The following AASDH variants were observed in gnomAD, a reference collection of about 807,000 sequenced individuals.
The protein encoded by AASDH is aminoadipate-semialdehyde dehydrogenase.
AASDH carries 81 observed loss-of-function variants against 102.3 expected under a neutral mutation model. The observed-to-expected ratio is 0.79, with a 90% CI of 0.66 to 0.95. The LOEUF (loss-of-function observed/expected upper bound fraction) is 0.95, where lower values mean the gene tolerates loss of function less well. Ranked by LOEUF, AASDH falls within the 40% of genes least tolerant of loss-of-function variation. The probability of loss-of-function intolerance (pLI) is 0.00; values close to 1 mark genes in which losing one functional copy is unlikely to be tolerated. For missense variants in AASDH, 1,203 were observed against 1,266.2 expected (o/e 0.95, Z 0.76); for synonymous variants, 398 against 454.0 (o/e 0.88, Z 1.57).
intron 5 of AASDH, among the ~76,000 whole-genome samples, chr4:56,365,927 A>C (rs1355677629): frequency 2.0e-5 from 3 of 152,216 alleles, no homozygotes; most frequent in Non-Finnish European, 4.4e-5. Context: ...CAATGAATCC[A>C]GGAGCTGGTT....
intron 4 of AASDH, among the ~76,000 whole-genome samples, chr4:56,375,010 C>G (rs1487765796): frequency 1.3e-5 from 2 of 152,158 alleles, no homozygotes; most frequent in Non-Finnish European, 2.9e-5. Context: ...CCTTCCCTTT[C>G]TGGAGCTATC....
At chr4:56,362,555 G>A (rs1240914290) in intron 5 of AASDH, among the ~76,000 whole-genome samples, 4 of 152,112 alleles carry the variant, frequency 2.6e-5, no homozygotes, top group Admixed American at 6.5e-5. Context: ...GTGAGCCACC[G>A]TGCCTGGCCT....
At chr4:56,340,952 T>C (rs1330254857) in intron 14 of AASDH, among the ~76,000 whole-genome samples, 1 of 151,850 alleles carries the variant, frequency 6.6e-6, no homozygotes, top group Non-Finnish European at 1.5e-5. Flanking sequence ...GAAATGCAAA[T>C]CAAAACCACA....
chr4:56,358,902 G>A (rs1293143150), intron 5 of AASDH, among the ~76,000 whole-genome samples: 2 of 152,012 alleles, frequency 1.3e-5, no homozygotes, highest in Non-Finnish European at 2.9e-5. Flanking sequence ...TTGAAAGTGG[G>A]GTATTACAAT....
Position 56,369,697 on chromosome 4 carries a change from C to A in AASDH, c.861+1754G>T, listed in dbSNP as rs373940633. Among the ~76,000 whole-genome samples, 95 of 152,172 alleles carry A rather than the reference C, an allele frequency of 6.2e-4. No individual in the cohort carries two copies. In the South Asian group the frequency reaches 0.011, roughly 17 times the overall value. On this transcript the variant is annotated intron_variant, in intron 5 of 14. Coordinates refer to ENST00000205214, the MANE Select transcript of AASDH (RefSeq NM_181806.4). ...ATCCCAGGACTTTGGGAGTCCAAGG[C>A]GGGCAGATTGAGGAGTTTGAGACCA...
Position 56,361,319 on chromosome 4 carries a change from G to T in AASDH, c.862-5896C>A, listed in dbSNP as rs185292793. Among the ~76,000 whole-genome samples, 463 of 152,198 alleles carry T rather than the reference G, an allele frequency of 3.0e-3. 1 individual carries two copies. The highest frequency in any genetic ancestry group is 0.015 in the South Asian group (71 of 4,828). On this transcript the variant is annotated intron_variant, in intron 5 of 14. Transcript: ENST00000205214. ...AGCTACTTGGGAGGCTGAGGCATGA[G>T]AATCACTTGAACCCAGGAGGTGGAG...
At chr4:56,347,486 G>A (rs1195426821) in intron 11 of AASDH, among the ~76,000 whole-genome samples, 9 of 152,158 alleles carry the variant, frequency 5.9e-5, no homozygotes, top group Non-Finnish European at 7.4e-5. Flanking sequence ...TAAAAAGAGA[G>A]TTGTAGTCAG....
At chr4:56,363,485 C>A (rs1458576406) in intron 5 of AASDH, among the ~76,000 whole-genome samples, 1 of 152,240 alleles carries the variant, frequency 6.6e-6, no homozygotes, top group Non-Finnish European at 1.5e-5. Context: ...TAGGGGCGGA[C>A]TGACACTTCA....
In AASDH at chr4:56,346,542, C is replaced by G. The variant is rs1040694586; in HGVS notation, c.2489-1252G>C. On this transcript the variant is annotated intron_variant, in intron 11 of 14. Transcript: ENST00000205214. ...TTGGACTTCATCAAAATAAAGGACTCCTCTTCAAAAGACACTATGTCACTA... is the reference window on the plus strand; with the variant it reads ...TTGGACTTCATCAAAATAAAGGACTGCTCTTCAAAAGACACTATGTCACTA... Among the ~76,000 whole-genome samples, 24 of 152,062 alleles carry G rather than the reference C, an allele frequency of 1.6e-4. 1 individual carries two copies. The highest frequency in any genetic ancestry group is 1.3e-3 in the Admixed American group (20 of 15,254).
intron 5 of AASDH, among the ~76,000 whole-genome samples, chr4:56,363,797 CT>C (rs1406716778): frequency 6.6e-6 from 1 of 152,092 alleles, no homozygotes; most frequent in East Asian, 1.9e-4. Flanking sequence ...AAACGGGAAA[CT>C]CTAAAAATCA....
chr4:56,366,136 C>G (rs924842128), intron 5 of AASDH, among the ~76,000 whole-genome samples: 1 of 152,202 alleles, frequency 6.6e-6, no homozygotes, highest in East Asian at 1.9e-4. Flanking sequence ...TGGATAAGTT[C>G]CTCAACACAT....
intron 4 of AASDH, among the ~76,000 whole-genome samples, chr4:56,374,352 AGT>A (rs1291084347): frequency 3.8e-5 from 5 of 130,612 alleles, no homozygotes; most frequent in Admixed American, 3.5e-4. Context: ...TGGGTGACAG[AGT>A]GAGACTCTGT....
chr4:56,385,373 A>G (rs1473074658), intron 1 of AASDH, among the ~76,000 whole-genome samples: 1 of 152,218 alleles, frequency 6.6e-6, no homozygotes, highest in Non-Finnish European at 1.5e-5. Flanking sequence ...TGAAAATATA[A>G]TATTACAACT....
intron 14 of AASDH, 96 bp from the exon 15 acceptor site, chr4:56,338,887 T>TA: frequency 8.1e-7 from 1 of 1,231,474 alleles, no homozygotes; most frequent in Non-Finnish European, 1.1e-6. Context: ...ATCTAAGAGA[T>TA]ATAGGCTATT....
In AASDH at chr4:56,378,970, G is replaced by A. The variant is rs192017205; in HGVS notation, c.352-506C>T. On this transcript the variant is annotated intron_variant, in intron 3 of 14. Transcript: ENST00000205214. ...GCAATCTCAGCTCACTGCAAATTCC[G>A]CCTCCCAGGTTCACACCATTCTCCT... Among the ~76,000 whole-genome samples, 836 of 151,690 alleles carry A rather than the reference G, an allele frequency of 5.5e-3. 13 individuals carry two copies. Among genetic ancestry groups the A allele is most frequent in the African/African-American group, 0.019 (791 of 41,282 alleles).
chr4:56,351,509 T>G (rs564627411), intron 9 of AASDH, 52 bp from the exon 10 acceptor site: 1 of 1,044,014 alleles, frequency 9.6e-7, no homozygotes, highest in East Asian at 2.5e-5. Flanking sequence ...AAAATTTCAC[T>G]CAAAGCCTTT....
At chr4:56,354,632 G>C in intron 7 of AASDH, 73 bp downstream of exon 7, 1 of 1,102,662 alleles carries the variant, frequency 9.1e-7, no homozygotes, top group Non-Finnish European at 1.3e-6. Flanking sequence ...AGAAAAAGAC[G>C]AAAGGAATAA....
intron 11 of AASDH, among the ~76,000 whole-genome samples, chr4:56,347,660 G>T (rs1748477393): frequency 6.6e-6 from 1 of 152,170 alleles, no homozygotes; most frequent in African/African-American, 2.4e-5. Flanking sequence ...TCAGCACTTT[G>T]GGAGGCTGAG....
chr4:56,345,215 G>C lies in AASDH; in HGVS notation c.2564C>G (p.Ala855Gly), dbSNP rs769749062. The change falls in exon 12 of 15, where the codon GCT becomes GGT. Residue 855 changes from alanine to glycine, a missense_variant. By Grantham distance (60) the Ala-to-Gly change is moderately conservative. Transcript: ENST00000205214. ...ATCCATGGTTGCCGAGCTTTTGACA[G>C]CATCTTCAGTAGTAAACATCCAGTA... ...EKYWMFTTEDAVKSSATMDPT... is the reference protein window; with the variant it reads ...EKYWMFTTEDGVKSSATMDPT... 6.2e-7 allele frequency: 1 copy of C among 1,613,986 alleles called. No individual in the cohort carries two copies. Among genetic ancestry groups the C allele is most frequent in the South Asian group, 1.1e-5 (1 of 91,068 alleles).
Sources: gnomAD v4.1 joint callset for allele counts (sites outside exome capture counted in the v4.1 genomes callset) on GRCh38, gnomAD v4.1.1 for gene constraint, MANE v1.5 for transcripts, NCBI Gene and HGNC (gene_info 2026-07-23, HGNC 2026-07-21) for gene names.